MBNL2: variants seen among roughly 807,000 people sequenced by gnomAD.
The protein encoded by MBNL2 is muscleblind-like protein 2.
In MBNL2, 17 loss-of-function variants were observed where a neutral mutation model predicts 41.9. The ratio of observed to expected loss-of-function variants is 0.41; its 90% CI spans 0.28 to 0.61. MBNL2 has a LOEUF of 0.61. MBNL2 is among the 20% of genes least tolerant of loss of function. MBNL2 has a pLI of 0.35. For synonymous variants in MBNL2, 195 were observed against 182.9 expected (o/e 1.07, Z -0.53); for missense variants, 336 against 505.6 (o/e 0.66, Z 3.22).
At chr13:97,269,843 G>T (rs2050578970) in intron 1 of MBNL2, among the ~76,000 whole-genome samples, 1 of 152,234 alleles carries the variant, frequency 6.6e-6, no homozygotes, top group Non-Finnish European at 1.5e-5. Context: ...GGCTGGAGCA[G>T]ATCTACACCA....
chr13:97,243,090 C>T (rs1336218108), intron 1 of MBNL2, among the ~76,000 whole-genome samples: 2 of 152,222 alleles, frequency 1.3e-5, no homozygotes, highest in Non-Finnish European at 2.9e-5. Flanking sequence ...ATATCCCCCA[C>T]TGCCCAAGTG....
At chr13:97,348,873 G>A (rs530942502) in intron 5 of MBNL2, among the ~76,000 whole-genome samples, 20 of 152,148 alleles carry the variant, frequency 1.3e-4, no homozygotes, top group Admixed American at 2.0e-4. Flanking sequence ...CATTGTTTGC[G>A]CAAATGTTTA....
chr13:97,220,761 G>T (rs1036138205), upstream of MBNL2, among the ~76,000 whole-genome samples: 1 of 152,138 alleles, frequency 6.6e-6, no homozygotes, highest in Non-Finnish European at 1.5e-5. Context: ...TAGTTTCATT[G>T]GTTGAGAATG....
chr13:97,270,147 A>G (rs1417138831), intron 1 of MBNL2, among the ~76,000 whole-genome samples: 1 of 152,162 alleles, frequency 6.6e-6, no homozygotes, highest in Non-Finnish European at 1.5e-5. Flanking sequence ...TCACCCTGGA[A>G]GTTCTGTTGA....
At chr13:97,246,098 T>C (rs2045406321) in intron 1 of MBNL2, among the ~76,000 whole-genome samples, 1 of 152,228 alleles carries the variant, frequency 6.6e-6, no homozygotes, top group East Asian at 1.9e-4. Context: ...GAACTTAAAT[T>C]GGAACTAGCC....
chr13:97,222,462 T>G lies in MBNL2; in HGVS notation c.-674T>G. On this transcript the variant is annotated 5_prime_UTR_variant, in exon 1 of 9. Coordinates refer to ENST00000679496, the MANE Select transcript of MBNL2 (RefSeq NM_001382683.1). ...TTTCTCATGATGCGGTGGAGAAGCCTCGGCCACTTGGTTCTGCCAGATGTT... is the reference window on the plus strand; with the variant it reads ...TTTCTCATGATGCGGTGGAGAAGCCGCGGCCACTTGGTTCTGCCAGATGTT... The G allele has an allele frequency of 2.5e-6, 1 of 398,662 alleles. No homozygotes were observed. The highest frequency in any genetic ancestry group is 4.4e-6 in the Non-Finnish European group (1 of 226,080). 24.7% of individuals were successfully genotyped at this position (398,662 alleles called of 1,614,324 possible).
At chr13:97,343,990 G>C (rs188666821) in intron 4 of MBNL2, among the ~76,000 whole-genome samples, 184 of 152,254 alleles carry the variant, frequency 1.2e-3, no homozygotes, top group African/African-American at 4.3e-3. Context: ...ATTTTTAGTA[G>C]AGACAGGGTT....
At chr13:97,297,077 G>A (rs1420100956) in intron 2 of MBNL2, among the ~76,000 whole-genome samples, 2 of 152,156 alleles carry the variant, frequency 1.3e-5, no homozygotes, top group African/African-American at 4.8e-5. Context: ...CTATTTGAAG[G>A]TCAAAGTTGC....
chr13:97,271,353 C>T (rs1262762507), intron 1 of MBNL2, among the ~76,000 whole-genome samples: 1 of 151,972 alleles, frequency 6.6e-6, no homozygotes, highest in African/African-American at 2.4e-5. Flanking sequence ...AGTGATCTGC[C>T]CATCTTGGCC....
At position 97,274,286 on chromosome 13, in the gene MBNL2, C is replaced by A. The variant is rs532088351; in HGVS notation, c.-604-1346C>A. The stretch of plus-strand genomic sequence containing the variant: ...GGCAGATCACCTGAGGTCAAGAGTT[C>A]GAAACCAGCCTGGTCAACATGGTGA... On this transcript the variant is annotated intron_variant, in intron 1 of 8. Coordinates refer to ENST00000679496, the MANE Select transcript of MBNL2 (RefSeq NM_001382683.1). 2.0e-5 allele frequency among the ~76,000 whole-genome samples: 3 copies of A among 152,186 alleles called. No homozygotes were observed. In the East Asian group the frequency reaches 5.8e-4, roughly 29 times the overall value.
chr13:97,261,454 C>A (rs2048614551), intron 1 of MBNL2, among the ~76,000 whole-genome samples: 3 of 152,192 alleles, frequency 2.0e-5, no homozygotes, highest in African/African-American at 7.2e-5. Flanking sequence ...CCTTTTTGTT[C>A]TTTTAAATTG....
chr13:97,180,785 C>T, the MBNL2 span, among the ~76,000 whole-genome samples: 1 of 148,544 alleles, frequency 6.7e-6, no homozygotes, highest in Non-Finnish European at 1.5e-5. Context: ...CAGTTCCTAT[C>T]ACTGCTCACT....
the MBNL2 span, among the ~76,000 whole-genome samples, chr13:97,214,708 C>T: frequency 6.6e-6 from 1 of 152,122 alleles, no homozygotes; most frequent in Non-Finnish European, 1.5e-5. Flanking sequence ...CATTCTCTGT[C>T]AGAAACACCA....
At chr13:97,347,332 G>A (rs1045926483) in intron 5 of MBNL2, among the ~76,000 whole-genome samples, 11 of 152,162 alleles carry the variant, frequency 7.2e-5, no homozygotes, top group African/African-American at 2.4e-4. Flanking sequence ...CTAGGGTGGC[G>A]GAGATTGAGT....
intron 2 of MBNL2, among the ~76,000 whole-genome samples, chr13:97,306,501 ACTC>A (rs2058141751): frequency 2.0e-5 from 3 of 152,112 alleles, no homozygotes; most frequent in Admixed American, 2.0e-4. Context: ...CATGGTGGTC[ACTC>A]CTTGCCAGGA....
chr13:97,187,259 A>G, the MBNL2 span, among the ~76,000 whole-genome samples: 1 of 152,156 alleles, frequency 6.6e-6, no homozygotes, highest in Non-Finnish European at 1.5e-5. Context: ...CTTATTACCA[A>G]AAAGAAGAGA....
chr13:97,379,529 G>A (rs1205920014), intron 8 of MBNL2, among the ~76,000 whole-genome samples: 1 of 152,250 alleles, frequency 6.6e-6, no homozygotes, highest in South Asian at 2.1e-4. Context: ...CTGCAGGAGC[G>A]ACTGTAAAGG....
the MBNL2 span, among the ~76,000 whole-genome samples, chr13:97,200,947 G>A: frequency 4.6e-5 from 7 of 151,978 alleles, no homozygotes; most frequent in Non-Finnish European, 1.5e-5. Flanking sequence ...CTCTACTTTT[G>A]TTTATGAAAG....
Position 97,358,854 on chromosome 13 carries a change from T to A in MBNL2, c.1012+1219T>A, listed in dbSNP as rs1432680602. Among the ~76,000 whole-genome samples, 4 of 152,264 alleles carry A rather than the reference T, an allele frequency of 2.6e-5. No individual in the cohort carries two copies. The East Asian group carries it at 7.7e-4, about 29-fold the overall frequency. ...ATCCATTTCCTTAAATCCCATAGCT[T>A]ATCAGAGTTAACATCAGAGGGAGGT... On this transcript the variant is annotated intron_variant, in intron 7 of 8. Coordinates refer to ENST00000679496, the MANE Select transcript of MBNL2 (RefSeq NM_001382683.1).
Sources: allele counts gnomAD v4.1 joint callset (sites outside exome capture counted in the v4.1 genomes callset), GRCh38; gene constraint gnomAD v4.1.1; transcripts MANE v1.5; gene names NCBI Gene and HGNC (gene_info 2026-07-23, HGNC 2026-07-21).